Variants in KIF9 observed in about 807,000 individuals in gnomAD.
The protein encoded by KIF9 is kinesin-like protein KIF9.
In KIF9, 68 loss-of-function variants were observed where a neutral mutation model predicts 94.8. That is an observed-to-expected ratio of 0.72 (90% confidence interval 0.59 to 0.88). The LOEUF (loss-of-function observed/expected upper bound fraction) is 0.88. Among genes scored for constraint, KIF9 ranks in the 40% least tolerant of loss-of-function variants. KIF9 has a pLI of 0.00. For synonymous variants in KIF9, 343 were observed against 362.1 expected (o/e 0.95, Z 0.60); for missense variants, 882 against 982.5 (o/e 0.90, Z 1.37).
chr3:47,260,709 G>A (rs527485428), intron 9 of KIF9, among the ~76,000 whole-genome samples: 2 of 152,332 alleles, frequency 1.3e-5, no homozygotes, highest in South Asian at 2.1e-4. Flanking sequence ...GCTGGTCTGT[G>A]GCCACACAGG....
chr3:47,278,892 A>C (rs1429953031), intron 1 of KIF9, among the ~76,000 whole-genome samples: 1 of 152,134 alleles, frequency 6.6e-6, no homozygotes, highest in Non-Finnish European at 1.5e-5. Flanking sequence ...GAATCGCTTG[A>C]ATCTGGGACG....
At chr3:47,244,653 A>C in intron 15 of KIF9, 138 bp downstream of exon 15, 1 of 1,068,076 alleles carries the variant, frequency 9.4e-7, no homozygotes, top group African/African-American at 1.6e-5. Context: ...CAGACTTGCT[A>C]GTATTGGCAG....
intron 9 of KIF9, 56 bp from the exon 10 acceptor site, chr3:47,257,616 G>A (rs895511576): frequency 3.6e-5 from 54 of 1,492,714 alleles, no homozygotes; most frequent in Middle Eastern, 2.0e-4. Context: ...GAGACCCCAA[G>A]AGACCGGCCT....
intron 11 of KIF9, 87 bp from the exon 12 acceptor site, chr3:47,247,564 G>A: frequency 8.7e-6 from 9 of 1,030,310 alleles, no homozygotes; most frequent in Non-Finnish European, 1.4e-5. Context: ...GAGGCAAAGT[G>A]GGGAGGCTGG....
chr3:47,234,359 G>C (rs920696835), intron 20 of KIF9, among the ~76,000 whole-genome samples: 7 of 151,338 alleles, frequency 4.6e-5, no homozygotes, highest in African/African-American at 9.7e-5. Flanking sequence ...TCAGCCTCCC[G>C]AGTGGCTGGG....
At chr3:47,264,090 G>C (rs547175253) in intron 9 of KIF9, 196 bp downstream of exon 9, 2 of 583,556 alleles carry the variant, frequency 3.4e-6, no homozygotes, top group Middle Eastern at 2.7e-4. Context: ...CTTTTCCTCC[G>C]CACAGCTTAG....
Position 47,246,260 on chromosome 3 carries a change from G to C in KIF9, c.1234-8C>G. The C allele has an allele frequency of 1.9e-6, 3 of 1,610,482 alleles. No individual in the cohort carries two copies. The highest frequency in any genetic ancestry group is 2.5e-6 in the Non-Finnish European group (3 of 1,178,132). ...CTGTCTAAGGCTGATTATCTGGAGGGAAGACAGCAAGGCAGAGGTTAGACC... is the reference window on the plus strand; with the variant it reads ...CTGTCTAAGGCTGATTATCTGGAGGCAAGACAGCAAGGCAGAGGTTAGACC... On this transcript the variant is annotated splice_region_variant and splice_polypyrimidine_tract_variant and intron_variant, in intron 12 of 20. Coordinates refer to ENST00000684063, the MANE Select transcript of KIF9 (RefSeq NM_182902.4).
intron 1 of KIF9, chr3:47,282,060 T>C (rs1487586794): frequency 3.2e-6 from 1 of 315,368 alleles, no homozygotes; most frequent in Non-Finnish European, 4.6e-6. Context: ...TCTCACCCAA[T>C]GTGCCGGACC....
intron 1 of KIF9, among the ~76,000 whole-genome samples, chr3:47,278,802 T>C (rs1702133931): frequency 6.6e-6 from 1 of 151,784 alleles, no homozygotes; most frequent in Admixed American, 6.6e-5. Context: ...TGAAATGCCA[T>C]CTCTACTAAA....
intron 20 of KIF9, chr3:47,231,732 A>C (rs1698604800): frequency 6.6e-6 from 1 of 152,046 alleles, no homozygotes; most frequent in African/African-American, 2.4e-5. Context: ...TCTGCATTCT[A>C]AAAAGACCCC....
intron 10 of KIF9, 67 bp from the exon 11 acceptor site, chr3:47,248,153 C>G: frequency 8.5e-7 from 1 of 1,172,226 alleles, no homozygotes; most frequent in Non-Finnish European, 1.3e-6. Flanking sequence ...CCTGTCTCTT[C>G]CACAGCAAAA....
At chr3:47,263,234 G>C (rs1444178890) in intron 9 of KIF9, among the ~76,000 whole-genome samples, 1 of 152,198 alleles carries the variant, frequency 6.6e-6, no homozygotes, top group Non-Finnish European at 1.5e-5. Flanking sequence ...GCACTTCAGA[G>C]GAAGGTTGGG....
In KIF9 at chr3:47,245,495, C is replaced by T. The variant is rs749591492; in HGVS notation, c.1306G>A (p.Val436Met). 1.2e-6 allele frequency: 2 copies of T among 1,613,726 alleles called. No homozygotes were observed. Among genetic ancestry groups the T allele is most frequent in the East Asian group, 4.5e-5 (2 of 44,888 alleles). ...TACTTCCTGCGCAAAGTGGACTCCA[C>T]TTCCTGTTCCTGTTGGCTTGGGAGA... ...RVVLSQQEQE[V>M]ESTLRRKYTL... Residue 436 changes from valine to methionine, a missense_variant, in exon 14 of 21, where the codon GTG becomes ATG. Physicochemically the swap from Val to Met is conservative, Grantham distance 21. Coordinates refer to ENST00000684063, the MANE Select transcript of KIF9 (RefSeq NM_182902.4).
chr3:47,233,761 G>A (rs1463574464), intron 20 of KIF9, among the ~76,000 whole-genome samples: 2 of 151,690 alleles, frequency 1.3e-5, no homozygotes, highest in Non-Finnish European at 2.9e-5. Flanking sequence ...ATGATCTTCA[G>A]GATGTGTTGC....
chr3:47,270,931 G>A (rs551270549), intron 5 of KIF9, among the ~76,000 whole-genome samples: 80 of 138,640 alleles, frequency 5.8e-4, no homozygotes, highest in Non-Finnish European at 9.6e-4. Context: ...TTGAGCCCAA[G>A]AGTTCAAGAC....
chr3:47,242,438 T>C (rs1699637455), intron 16 of KIF9, among the ~76,000 whole-genome samples: 1 of 152,160 alleles, frequency 6.6e-6, no homozygotes, highest in African/African-American at 2.4e-5. Context: ...ATTGGGAGGA[T>C]GGTTGGTGTA....
intron 9 of KIF9, among the ~76,000 whole-genome samples, chr3:47,259,764 C>A (rs1239015865): frequency 1.4e-5 from 2 of 144,234 alleles, no homozygotes; most frequent in Non-Finnish European, 3.0e-5. Flanking sequence ...TGCTTGAAGG[C>A]AGCATGCTCC....
At position 47,243,121 on chromosome 3, in the gene KIF9, G is replaced by A. The variant is rs142319729; in HGVS notation, c.1639C>T (p.Arg547Trp). The change falls in exon 16 of 21, where the codon CGG becomes TGG. Residue 547 changes from arginine to tryptophan, a missense_variant. By Grantham distance (101) the Arg-to-Trp change is moderately radical (BLOSUM62 -3). Coordinates refer to ENST00000684063, the MANE Select transcript of KIF9 (RefSeq NM_182902.4). ...KDGDVKDMLSRDRETSSIEPL... is the reference protein window; with the variant it reads ...KDGDVKDMLSWDRETSSIEPL... ...TCAATGCTGGAAGTTTCCCGGTCCC[G>A]CGAAAGCATGTCTTTGACATCCCCA... 3.0e-4 allele frequency: 490 copies of A among 1,613,686 alleles called. 1 individual carries two copies. Among genetic ancestry groups the A allele is most frequent in the Non-Finnish European group, 3.8e-4 (447 of 1,179,810 alleles).
chr3:47,271,657 C>A (rs1243762315), intron 4 of KIF9, among the ~76,000 whole-genome samples, 196 bp from the exon 5 acceptor site: 1 of 152,166 alleles, frequency 6.6e-6, no homozygotes, highest in Non-Finnish European at 1.5e-5. Context: ...TAAACCATCT[C>A]ACGAAGTAGA....
Sources: gnomAD v4.1 joint callset for allele counts (sites outside exome capture counted in the v4.1 genomes callset) on GRCh38, gnomAD v4.1.1 for gene constraint, MANE v1.5 for transcripts, NCBI Gene and HGNC (gene_info 2026-07-23, HGNC 2026-07-21) for gene names.